ARHGAP20: variants seen among roughly 807,000 people sequenced by gnomAD.
ARHGAP20 encodes rho GTPase-activating protein 20.
ARHGAP20 carries 34 observed loss-of-function variants against 73.7 expected under a neutral mutation model. The ratio of observed to expected loss-of-function variants is 0.46; its 90% CI spans 0.35 to 0.61. The LOEUF (loss-of-function observed/expected upper bound fraction) is 0.61. Ranked by LOEUF, ARHGAP20 falls within the 20% of genes least tolerant of loss-of-function variation. ARHGAP20 has a pLI of 0.00. For missense variants in ARHGAP20, 1,314 were observed against 1,420.9 expected (o/e 0.92, Z 1.21); for synonymous variants, 523 against 518.2 (o/e 1.01, Z -0.13).
chr11:110,698,436 G>A, intron 1 of ARHGAP20, among the ~76,000 whole-genome samples: 1 of 151,782 alleles, frequency 6.6e-6, no homozygotes, highest in East Asian at 1.9e-4. Context: ...TGGTTTCATA[G>A]AACGAGTTAG....
At chr11:110,711,941 C>T (rs1251243182) in intron 1 of ARHGAP20, 186 bp downstream of exon 1, 2 of 1,251,908 alleles carry the variant, frequency 1.6e-6, no homozygotes, top group East Asian at 3.2e-5. Context: ...CTGCGGGAGG[C>T]GGCGGCGCTG....
intron 4 of ARHGAP20, among the ~76,000 whole-genome samples, chr11:110,619,990 A>G (rs1302982314): frequency 6.6e-6 from 1 of 152,078 alleles, no homozygotes; most frequent in Non-Finnish European, 1.5e-5. Flanking sequence ...GGCAATTGTC[A>G]GTCTTAGATT....
intron 2 of ARHGAP20, among the ~76,000 whole-genome samples, chr11:110,645,160 C>CCA (rs1949162600): frequency 1.3e-5 from 2 of 152,042 alleles, no homozygotes; most frequent in Admixed American, 1.3e-4. Context: ...CAGGCATGAG[C>CCA]CACCACACCC....
In ARHGAP20 at chr11:110,630,710, G is replaced by A. The variant is rs34577374; in HGVS notation, c.271C>T (p.Arg91Trp). 3.2e-5 allele frequency: 51 copies of A among 1,613,926 alleles called. No individual in the cohort carries two copies. In the East Asian group the frequency reaches 5.8e-4, roughly 18 times the overall value. ...TGGAGGCCTCTTTTGAGTTCTGCCC[G>A]GCCATCAATCAGCAGAGTCCTATTG... ...CSNRTLLIDG[R>W]AELKRGLQRQ... The change falls in exon 3 of 15, where the codon CGG (arginine) becomes TGG (tryptophan). Residue 91 changes from arginine to tryptophan, a missense_variant. Physicochemically the swap from Arg to Trp is moderately radical, Grantham distance 101. Transcript: ENST00000683387.
At chr11:110,629,728 C>T (rs906616431) in intron 3 of ARHGAP20, among the ~76,000 whole-genome samples, 1 of 152,210 alleles carries the variant, frequency 6.6e-6, no homozygotes, top group East Asian at 1.9e-4. Context: ...TGGAGAGGAA[C>T]TCAAGCCTCT....
At chr11:110,621,379 AGTGAC>A (rs887168629) in intron 4 of ARHGAP20, among the ~76,000 whole-genome samples, 3 of 151,940 alleles carry the variant, frequency 2.0e-5, no homozygotes, top group Non-Finnish European at 4.4e-5. Context: ...CTGTAATTCC[AGTGAC>A]ATGTATATTA....
At chr11:110,693,695 C>G (rs1164582169) in intron 1 of ARHGAP20, among the ~76,000 whole-genome samples, 1 of 151,864 alleles carries the variant, frequency 6.6e-6, no homozygotes, top group Non-Finnish European at 1.5e-5. Flanking sequence ...AATCTGTTCT[C>G]AGGCAATGAA....
intron 3 of ARHGAP20, among the ~76,000 whole-genome samples, chr11:110,628,533 C>A (rs73006382): frequency 0.02 from 3,042 of 152,080 alleles, 51 homozygotes; most frequent in Middle Eastern, 0.041. Context: ...TAATAATAAT[C>A]ATCATCATCA....
intron 9 of ARHGAP20, among the ~76,000 whole-genome samples, chr11:110,600,854 G>A (rs1447250107): frequency 6.6e-6 from 1 of 152,202 alleles, no homozygotes; most frequent in Non-Finnish European, 1.5e-5. Context: ...AAGTCTCAGA[G>A]GGGGCCTTCT....
chr11:110,697,306 T>C lies in ARHGAP20; in HGVS notation c.106-6677A>G, dbSNP rs553297838. Among the ~76,000 whole-genome samples the C allele has an allele frequency of 2.0e-4, 31 of 151,980 alleles. No homozygotes were observed. The South Asian group carries it at 6.0e-3, about 29-fold the overall frequency. ...ATGGGTGTAAGACAATATCTCATTGTAGTTTTAATTAGCATTTCTCTGATT... is the reference window on the plus strand; with the variant it reads ...ATGGGTGTAAGACAATATCTCATTGCAGTTTTAATTAGCATTTCTCTGATT... On this transcript the variant is annotated intron_variant, in intron 1 of 14. Coordinates refer to ENST00000683387, the MANE Select transcript of ARHGAP20 (RefSeq NM_001384657.1).
At chr11:110,651,267 G>A (rs947917980) in intron 2 of ARHGAP20, among the ~76,000 whole-genome samples, 2 of 151,966 alleles carry the variant, frequency 1.3e-5, no homozygotes, top group Admixed American at 6.6e-5. Flanking sequence ...AGCACTAAAT[G>A]CCCACATCAA....
intron 7 of ARHGAP20, among the ~76,000 whole-genome samples, chr11:110,610,492 T>C (rs1948341571): frequency 6.6e-6 from 1 of 152,144 alleles, no homozygotes; most frequent in South Asian, 2.1e-4. Context: ...ACTCAAGGAA[T>C]AGTGTTTTTA....
chr11:110,684,713 T>C (rs1286224140), intron 2 of ARHGAP20, among the ~76,000 whole-genome samples: 1 of 152,150 alleles, frequency 6.6e-6, no homozygotes, highest in Non-Finnish European at 1.5e-5. Flanking sequence ...GCTACATATA[T>C]ACCATGGAAT....
intron 2 of ARHGAP20, among the ~76,000 whole-genome samples, chr11:110,670,162 T>C (rs1011516645): frequency 5.3e-5 from 8 of 152,104 alleles, no homozygotes; most frequent in African/African-American, 1.9e-4. Flanking sequence ...GTATATAACA[T>C]ATAAAAATTC....
chr11:110,685,641 C>T (rs1950118905), intron 2 of ARHGAP20, among the ~76,000 whole-genome samples: 1 of 152,044 alleles, frequency 6.6e-6, no homozygotes, highest in South Asian at 2.1e-4. Context: ...AAATCCAGCT[C>T]TTGTTCATTA....
chr11:110,680,981 C>A (rs1565474553), intron 2 of ARHGAP20, among the ~76,000 whole-genome samples: 1 of 152,062 alleles, frequency 6.6e-6, no homozygotes, highest in Non-Finnish European at 1.5e-5. Context: ...GAAAAATGTT[C>A]CTTGCAAGGA....
intron 9 of ARHGAP20, among the ~76,000 whole-genome samples, chr11:110,593,112 A>G (rs965774685): frequency 9.2e-5 from 14 of 152,312 alleles, no homozygotes; most frequent in Non-Finnish European, 1.5e-4. Flanking sequence ...TTTAACAGAT[A>G]GAGCATCTGG....
intron 1 of ARHGAP20, among the ~76,000 whole-genome samples, chr11:110,693,716 T>A (rs1312320121): frequency 6.6e-6 from 1 of 151,950 alleles, no homozygotes; most frequent in East Asian, 1.9e-4. Flanking sequence ...AACTTAGATT[T>A]TCTTGTTTAC....
intron 1 of ARHGAP20, chr11:110,690,861 G>C: frequency 1.0e-6 from 1 of 992,762 alleles, no homozygotes; most frequent in East Asian, 2.6e-5. Context: ...TTTGTGGTCA[G>C]AGAATAAAGA....
Sources: allele counts gnomAD v4.1 joint callset (sites outside exome capture counted in the v4.1 genomes callset), GRCh38; gene constraint gnomAD v4.1.1; transcripts MANE v1.5; gene names NCBI Gene and HGNC (gene_info 2026-07-23, HGNC 2026-07-21).